TFEC: variants seen among roughly 807,000 people sequenced by gnomAD.
TFEC encodes class E basic helix-loop-helix protein 34.
TFEC carries 31 observed loss-of-function variants against 41.6 expected under a neutral mutation model. That is an observed-to-expected ratio of 0.74 (90% CI 0.56 to 1.01). The LOEUF is 1.01. TFEC is among the 50% of genes least tolerant of loss of function. TFEC has a pLI of 0.00. For synonymous variants in TFEC, 143 were observed against 140.6 expected (o/e 1.02, Z -0.12); for missense variants, 402 against 404.1 (o/e 0.99, Z 0.04).
intron 3 of TFEC, among the ~76,000 whole-genome samples, chr7:116,068,604 A>G (rs1438841085): frequency 1.3e-5 from 2 of 151,702 alleles, no homozygotes; most frequent in Admixed American, 6.6e-5. Flanking sequence ...AATAATAGAA[A>G]AGCTTACTAG....
rs572373778 is a variant in TFEC at position 116,097,679 on chromosome 7, T to C, written c.198+13029A>G. On this transcript the variant is annotated intron_variant, in intron 3 of 8. Coordinates refer to the TFEC transcript ENST00000484212. ...CAGAATGGAGCACAATTCAAACCTG[T>C]GAATTGTTTATTTCTGGAATTTTGT... Among the ~76,000 whole-genome samples, 6 of 152,288 alleles carry C rather than the reference T, an allele frequency of 3.9e-5. No homozygotes were observed. The East Asian group carries it at 5.8e-4, about 15-fold the overall frequency.
At chr7:116,022,953 G>A (rs552676959) in intron 1 of TFEC, among the ~76,000 whole-genome samples, 10 of 152,090 alleles carry the variant, frequency 6.6e-5, no homozygotes, top group Admixed American at 2.0e-4. Context: ...TGACCTGTCT[G>A]TGATCAAACA....
At chr7:115,958,986 G>A (rs1280526978) in intron 3 of TFEC, among the ~76,000 whole-genome samples, 1 of 151,708 alleles carries the variant, frequency 6.6e-6, no homozygotes, top group Non-Finnish European at 1.5e-5. Flanking sequence ...CTGTGAAAAA[G>A]TTTACAAAGA....
At chr7:116,047,579 G>T (rs560788667) in intron 3 of TFEC, among the ~76,000 whole-genome samples, 1 of 152,276 alleles carries the variant, frequency 6.6e-6, no homozygotes, top group South Asian at 2.1e-4. Flanking sequence ...TGAGGGCAGG[G>T]CATAGCTGAA....
intron 3 of TFEC, among the ~76,000 whole-genome samples, chr7:116,098,025 C>T (rs538469827): frequency 6.6e-6 from 1 of 152,192 alleles, no homozygotes; most frequent in South Asian, 2.1e-4. Flanking sequence ...TGTAACTGAT[C>T]TAAACATATC....
At chr7:116,107,896 A>C (rs1243063493) in intron 3 of TFEC, among the ~76,000 whole-genome samples, 1 of 152,184 alleles carries the variant, frequency 6.6e-6, no homozygotes, top group African/African-American at 2.4e-5. Context: ...ATTATTGAAG[A>C]ATTAGAATAC....
At chr7:115,968,280 C>T in intron 3 of TFEC, 1 of 1,523,406 alleles carries the variant, frequency 6.6e-7, no homozygotes, top group Non-Finnish European at 8.8e-7. Flanking sequence ...CAAACAATAA[C>T]CAAGAGAACT....
intron 3 of TFEC, among the ~76,000 whole-genome samples, chr7:116,071,030 AAAAG>A (rs1796814960): frequency 6.6e-6 from 1 of 151,408 alleles, no homozygotes; most frequent in Non-Finnish European, 1.5e-5. Context: ...ATGATTAAAG[AAAAG>A]AAAGACAAAG....
chr7:116,047,590 C>T (rs1269766408), intron 3 of TFEC, among the ~76,000 whole-genome samples: 1 of 152,178 alleles, frequency 6.6e-6, no homozygotes. Context: ...CATAGCTGAA[C>T]AAAAGGCAGC....
chr7:115,940,363 C>T lies in TFEC; in HGVS notation c.*188G>A, dbSNP rs756188960. 8.4e-6 allele frequency: 5 copies of T among 593,588 alleles called. No individual in the cohort carries two copies. Among genetic ancestry groups the T allele is most frequent in the Non-Finnish European group, 1.3e-5 (5 of 372,856 alleles). 36.8% of individuals were successfully genotyped at this position (593,588 alleles called of 1,614,324 possible). On this transcript the variant is annotated 3_prime_UTR_variant, in exon 8 of 8. Transcript: ENST00000265440. ...AAGAAGAAAACACCTTTTTTTCGCC[C>T]TCAATAATTCATTAACACTATGATT...
At chr7:116,053,192 A>G (rs564525942) in intron 3 of TFEC, among the ~76,000 whole-genome samples, 3 of 152,364 alleles carry the variant, frequency 2.0e-5, no homozygotes, top group South Asian at 4.1e-4. Flanking sequence ...TGTTGAGAAA[A>G]GAGAAACTGT....
intron 1 of TFEC, among the ~76,000 whole-genome samples, chr7:116,142,611 G>C (rs901014221): frequency 6.6e-6 from 1 of 152,110 alleles, no homozygotes; most frequent in African/African-American, 2.4e-5. Context: ...AACTTGTTGA[G>C]GGCTCTTCAG....
chr7:116,105,930 G>T (rs530540631), intron 3 of TFEC, among the ~76,000 whole-genome samples: 124 of 152,172 alleles, frequency 8.1e-4, no homozygotes, highest in African/African-American at 2.7e-3. Flanking sequence ...TAAGATGTAC[G>T]TGTTGATAGA....
chr7:116,104,818 C>T (rs991254385), intron 3 of TFEC, among the ~76,000 whole-genome samples: 2 of 150,946 alleles, frequency 1.3e-5, no homozygotes, highest in South Asian at 2.1e-4. Context: ...GGGTGTTCAG[C>T]GTAAATGTAA....
At chr7:116,035,005 T>C (rs1040761569), upstream of TFEC, among the ~76,000 whole-genome samples, 1 of 151,826 alleles carries the variant, frequency 6.6e-6, no homozygotes, top group Admixed American at 6.6e-5. Context: ...CTTTTTTCCA[T>C]AGACCCCATG....
intron 1 of TFEC, among the ~76,000 whole-genome samples, chr7:116,149,432 T>C (rs973758185): frequency 6.6e-6 from 1 of 152,138 alleles, no homozygotes; most frequent in African/African-American, 2.4e-5. Flanking sequence ...AAAACTATTA[T>C]AGTCTTATTA....
intron 1 of TFEC, among the ~76,000 whole-genome samples, chr7:116,156,341 A>AAT (rs764006028): frequency 8.5e-5 from 13 of 152,230 alleles, no homozygotes; most frequent in Non-Finnish European, 1.9e-4. Context: ...TGTCTCTAAA[A>AAT]ATATATATCA....
intron 2 of TFEC, 53 bp downstream of exon 2, chr7:115,984,209 G>A (rs773101367): frequency 1.3e-4 from 202 of 1,586,060 alleles, no homozygotes; most frequent in Non-Finnish European, 1.7e-4. Flanking sequence ...TACTTTAATA[G>A]AGGTTTTTTC....
Position 115,989,511 on chromosome 7 carries a change from C to CG in TFEC, c.-72-4999_-72-4998insC, listed in dbSNP as rs749480367. On this transcript the variant is annotated intron_variant, in intron 1 of 7. Transcript: ENST00000265440. ...CTTTCCTAGCCAAGGGAAGCCATGA[C>CG]AGACAGTACCTGGAAAATCAGGACA... Among the ~76,000 whole-genome samples, 4 of 152,188 alleles carry CG rather than the reference C, an allele frequency of 2.6e-5. No homozygotes were observed. The East Asian group carries it at 7.7e-4, about 29-fold the overall frequency.
Sources: allele counts gnomAD v4.1 joint callset (sites outside exome capture counted in the v4.1 genomes callset), GRCh38; gene constraint gnomAD v4.1.1; transcripts MANE v1.5; gene names NCBI Gene and HGNC (gene_info 2026-07-23, HGNC 2026-07-21).